Variants in LIPE observed in about 807,000 individuals in gnomAD.
LIPE encodes the protein hormone-sensitive lipase.
A neutral mutation model predicts 88.5 loss-of-function variants in LIPE; 66 were observed. The observed-to-expected ratio is 0.75, with a 90% CI of 0.61 to 0.91. The LOEUF (loss-of-function observed/expected upper bound fraction) is 0.91. Ranked by LOEUF, LIPE falls within the 40% of genes least tolerant of loss-of-function variation. LIPE has a pLI of 0.00. For synonymous variants in LIPE, 570 were observed against 617.5 expected (o/e 0.92, Z 1.14); for missense variants, 1,346 against 1,434.7 (o/e 0.94, Z 1.00).
intron 1 of LIPE, among the ~76,000 whole-genome samples, chr19:42,416,607 C>T (rs548530454): frequency 9.8e-5 from 15 of 152,292 alleles, no homozygotes; most frequent in Middle Eastern, 3.4e-3. Flanking sequence ...CAGTTGAAGC[C>T]GGTGTTCATT....
At chr19:42,424,944 C>T (rs1445429866) in intron 1 of LIPE, 3 of 302,220 alleles carry the variant, frequency 9.9e-6, no homozygotes, top group African/African-American at 6.6e-5. Context: ...GGCCCGTTAT[C>T]CTCTGATGCT....
rs1172759602 is a variant in LIPE, at chr19:42,408,083, C to G, written c.1549G>C (p.Ala517Pro). 1 of 1,613,796 alleles carries G rather than the reference C, an allele frequency of 6.2e-7. No individual in the cohort carries two copies. The change falls in exon 4 of 10, where the codon GCC becomes CCC. Residue 517 changes from alanine to proline, a missense_variant. Transcript: ENST00000244289. This position sits in a 1 kb window ranked among gnomAD's most constrained non-coding sequence, Gnocchi z 4.3. ...GCCCCACGCAGCTCGGGGTCGATGG[C>G]AAAGCGGCCGCTGGTGAAGAGAGAG... Reference protein sequence around the residue: ...ASSLFTSGRFAIDPELRGAEF... With the variant: ...ASSLFTSGRFPIDPELRGAEF...
chr19:42,419,767 G>A (rs1040503139), intron 1 of LIPE, among the ~76,000 whole-genome samples: 3 of 152,170 alleles, frequency 2.0e-5, no homozygotes, highest in Admixed American at 6.5e-5. Context: ...GGCTTCTGAA[G>A]CCAGGAAGCC....
intron 1 of LIPE, among the ~76,000 whole-genome samples, chr19:42,417,776 T>A (rs143717665): frequency 6.6e-6 from 1 of 152,112 alleles, no homozygotes; most frequent in African/African-American, 2.4e-5. Flanking sequence ...ATCGCAGCAC[T>A]TTGGGAGGCC....
chr19:42,407,170 T>C lies in LIPE; in HGVS notation c.2137+4A>G, dbSNP rs2040212117. The C allele has an allele frequency of 2.0e-6, 3 of 1,488,708 alleles. No homozygotes were observed. In the African/African-American group the frequency reaches 4.2e-5, roughly 21 times the overall value. 92.2% of individuals were successfully genotyped at this position (1,488,708 alleles called of 1,614,324 possible). ...GCAGGTGGCTGTGGGGGCCTGAGGC[T>C]CACCAAGGAGGGCGCAGTGCTTGAT... On this transcript the variant is annotated splice_donor_region_variant and intron_variant, in intron 6 of 9. Transcript: ENST00000244289. The surrounding 1 kb of genome is among the most constrained non-coding windows in gnomAD (Gnocchi z 5.8).
At position 42,401,977 on chromosome 19, in the gene LIPE, C is replaced by T. The variant is rs756884873; in HGVS notation, c.3066G>A (p.Leu1022=). The stretch of plus-strand genomic sequence containing the variant: ...CCGCTAGGGTCAGGAAGCCGTGCGG[C>T]AGGTCCTCCACCACGCGCAGCGTCA... ...QPVTLRVVED[L]PHGFLTLAAL... The change falls in exon 10 of 10, where the codon CTG becomes CTA. Residue 1022 remains leucine (L), a synonymous_variant. Coordinates refer to ENST00000244289, the MANE Select transcript of LIPE (RefSeq NM_005357.4). 2 of 1,556,304 alleles carry T rather than the reference C, an allele frequency of 1.3e-6. No homozygotes were observed. The highest frequency in any genetic ancestry group is 1.7e-6 in the Non-Finnish European group (2 of 1,153,388).
intron 1 of LIPE, chr19:42,412,682 G>A: frequency 2.1e-6 from 1 of 486,898 alleles, no homozygotes; most frequent in Non-Finnish European, 2.7e-6. Flanking sequence ...CAGGCCCCCA[G>A]CCCCTTCATC....
chr19:42,408,193 A>G lies in LIPE; in HGVS notation c.1510+39T>C, dbSNP rs1027104761. The G allele has an allele frequency of 1.1e-5, 18 of 1,613,808 alleles. No homozygotes were observed. Among genetic ancestry groups the G allele is most frequent in the Non-Finnish European group, 1.5e-5 (18 of 1,179,752 alleles). ...TTGGGCAGGAGTGGGGAGGAGGGCC[A>G]AGAGAGTAGGCTGCGAGTAGAACCT... On this transcript the variant is annotated intron_variant, in intron 3 of 9. Transcript: ENST00000244289. The surrounding 1 kb of genome is among the most constrained non-coding windows in gnomAD (Gnocchi z 4.3).
In LIPE at chr19:42,402,094, G is replaced by A; in HGVS notation, c.2968-19C>T. On this transcript the variant is annotated intron_variant, in intron 9 of 9. Coordinates refer to ENST00000244289, the MANE Select transcript of LIPE (RefSeq NM_005357.4). ...CGCACGCCTACGGGACAGCGGGGAG[G>A]GACGTGGAGAGAGGGTGGGGGACAG... 6.9e-7 allele frequency: 1 copy of A among 1,457,094 alleles called. No homozygotes were observed. The highest frequency in any genetic ancestry group is 2.5e-5 in the Admixed American group (1 of 40,186). 90.3% of individuals were successfully genotyped at this position (1,457,094 alleles called of 1,614,324 possible).
Position 42,407,488 on chromosome 19 carries a change from C to A in LIPE, c.1843-20G>T. ...ACTGTCCTGGGGGTGAGGAGGGAGA[C>A]GGTGTGTGAGGTTGGGGAGAGCTGG... On this transcript the variant is annotated intron_variant, in intron 5 of 9. Transcript: ENST00000244289. The surrounding 1 kb of genome is among the most constrained non-coding windows in gnomAD (Gnocchi z 5.8). 6.2e-7 allele frequency: 1 copy of A among 1,600,874 alleles called. No homozygotes were observed. The highest frequency in any genetic ancestry group is 1.1e-5 in the South Asian group (1 of 89,734).
chr19:42,401,790 C>T lies in LIPE; in HGVS notation c.*22G>A, dbSNP rs184011567. The T allele has an allele frequency of 3.8e-4, 542 of 1,438,150 alleles. 1 individual carries two copies. In the African/African-American group the frequency reaches 7.0e-3, roughly 19 times the overall value. The allele number at this position is 1,438,150 out of a possible 1,614,324, so 89.1% of individuals were successfully genotyped here. A position where few individuals can be genotyped will look rare whatever the true frequency, so the allele number is the denominator to read the frequency against. On this transcript the variant is annotated 3_prime_UTR_variant, in exon 10 of 10. Transcript: ENST00000244289. ...GGAAGGCATTCATGACGGAGGCCGG[C>T]GCAGATGGGAACAACAGGCTTTTAG...
At chr19:42,421,793 C>T (rs1038551654) in intron 1 of LIPE, among the ~76,000 whole-genome samples, 8 of 152,198 alleles carry the variant, frequency 5.3e-5, no homozygotes, top group African/African-American at 1.9e-4. Flanking sequence ...AAACTGATGA[C>T]GAGGATTGCT....
chr19:42,417,753 G>C (rs905680632), intron 1 of LIPE, among the ~76,000 whole-genome samples: 1 of 152,120 alleles, frequency 6.6e-6, no homozygotes, highest in South Asian at 2.1e-4. Context: ...GGGTGCAGTG[G>C]CTCATACTTA....
At chr19:42,405,814 C>T (rs758971541) in intron 7 of LIPE, 12 of 547,704 alleles carry the variant, frequency 2.2e-5, no homozygotes, top group East Asian at 3.1e-5. Context: ...ATTAGCTGGG[C>T]GTGGTAGTGG....
chr19:42,401,892 G>T lies in LIPE; in HGVS notation c.3151C>A (p.Leu1051Ile). The change falls in exon 10 of 10, where the codon CTC (leucine) becomes ATC (isoleucine). Residue 1051 changes from leucine (L) to isoleucine (I), a missense_variant. Leu to Ile is a conservative substitution (Grantham distance 5). Transcript: ENST00000244289. ...ELCVERIRLVLTPPAGAGPSG... is the reference protein window; with the variant it reads ...ELCVERIRLVITPPAGAGPSG... Reference sequence around the variant, plus strand: ...GGCCCGGCTCCGGCGGGAGGAGTGAGGACGAGGCGGATGCGCTCCACGCAC... The same window carrying T: ...GGCCCGGCTCCGGCGGGAGGAGTGATGACGAGGCGGATGCGCTCCACGCAC... 6.5e-7 allele frequency: 1 copy of T among 1,543,762 alleles called. No individual in the cohort carries two copies. The highest frequency in any genetic ancestry group is 2.4e-5 in the East Asian group (1 of 41,026).
At chr19:42,421,617 C>T (rs1390207335) in intron 1 of LIPE, among the ~76,000 whole-genome samples, 4 of 152,336 alleles carry the variant, frequency 2.6e-5, no homozygotes, top group South Asian at 4.1e-4. Context: ...AGCAGTTGTG[C>T]GTCCACAAAC....
rs751070937 is a variant in LIPE at position 42,426,634 on chromosome 19, C to T, written c.516G>A (p.Pro172=). Residue 172 remains proline, a synonymous_variant, in exon 1 of 10, where the codon CCG becomes CCA. Coordinates refer to ENST00000244289, the MANE Select transcript of LIPE (RefSeq NM_005357.4). ...GTGTCTCTTGGGACGTAGATTCAGT[C>T]GGGGCAGATGGCTCCCTTTTGGCTC... The part of the protein sequence containing the change: ...KPGAKREPSA[P]TESTSQETPE... 1.4e-5 allele frequency: 22 copies of T among 1,614,090 alleles called. No homozygotes were observed. The highest frequency in any genetic ancestry group is 8.0e-5 in the African/African-American group (6 of 74,924).
At position 42,410,668 on chromosome 19, in the gene LIPE, C is replaced by T. The variant is rs772453400; in HGVS notation, c.1058G>A (p.Gly353Asp). ...GAGGTGCGCCACACCCAGCAGGCGG[C>T]CCAGGGCCGGCTCCAGCCCCAGCGC... Reference protein sequence around the residue: ...EQALGLEPALGRLLGVAHLFD... With the variant: ...EQALGLEPALDRLLGVAHLFD... Residue 353 changes from glycine to aspartate, a missense_variant, in exon 2 of 10, where the codon GGC (glycine) becomes GAC (aspartate). Gly to Asp is a moderately conservative substitution (Grantham distance 94, BLOSUM62 -1). Coordinates refer to ENST00000244289, the MANE Select transcript of LIPE (RefSeq NM_005357.4). The surrounding 1 kb of genome is among the most constrained non-coding windows in gnomAD (Gnocchi z 6.1). The T allele has an allele frequency of 1.4e-5, 23 of 1,612,062 alleles. No homozygotes were observed. The highest frequency in any genetic ancestry group is 1.7e-4 in the Middle Eastern group (1 of 6,050).
In LIPE at chr19:42,427,378, G is replaced by A; in HGVS notation, c.-229C>T. 1.5e-6 allele frequency: 1 copy of A among 670,224 alleles called. No individual in the cohort carries two copies. Among genetic ancestry groups the A allele is most frequent in the Non-Finnish European group, 2.2e-6 (1 of 451,236 alleles). 41.5% of individuals were successfully genotyped at this position (670,224 alleles called of 1,614,324 possible). ...CTCTGTGCCTCTTTCTTTGGTGGGA[G>A]GATTAGGAATAGGAGGAGGCTATGT... On this transcript the variant is annotated 5_prime_UTR_variant, in exon 1 of 10. Coordinates refer to ENST00000244289, the MANE Select transcript of LIPE (RefSeq NM_005357.4).
Sources: gnomAD v4.1 joint callset for allele counts (sites outside exome capture counted in the v4.1 genomes callset) on GRCh38, gnomAD v4.1.1 for gene constraint, Gnocchi (gnomAD v3.1) non-coding constraint, MANE v1.5 for transcripts, NCBI Gene and HGNC (gene_info 2026-07-23, HGNC 2026-07-21) for gene names.